RBMS3: variants seen among roughly 807,000 people sequenced by gnomAD.
RBMS3 encodes the protein RNA binding motif single stranded interacting protein 3, also known as RNA-binding motif, single-stranded-interacting protein 3.
A neutral mutation model predicts 66.8 loss-of-function variants in RBMS3; 27 were observed. The ratio of observed to expected loss-of-function variants is 0.40; its 90% confidence interval spans 0.30 to 0.56. The LOEUF (loss-of-function observed/expected upper bound fraction) is 0.56. RBMS3 is among the 20% of genes least tolerant of loss of function. The pLI is 0.40. For missense variants in RBMS3, 513 were observed against 549.5 expected (o/e 0.93, Z 0.66); for synonymous variants, 188 against 183.0 (o/e 1.03, Z -0.22).
At chr3:29,484,271 A>G (rs1355225456) in intron 2 of RBMS3, among the ~76,000 whole-genome samples, 1 of 152,238 alleles carries the variant, frequency 6.6e-6, no homozygotes, top group Non-Finnish European at 1.5e-5. Context: ...ATAACAAAGT[A>G]CCACAGACTG....
intron 4 of RBMS3, among the ~76,000 whole-genome samples, chr3:29,652,320 A>C (rs1212188350): frequency 1.3e-5 from 2 of 152,114 alleles, no homozygotes; most frequent in African/African-American, 4.8e-5. Context: ...GGGAGGTGGG[A>C]GCTGAAGTAA....
chr3:29,884,598 C>T (rs561103618), intron 8 of RBMS3, among the ~76,000 whole-genome samples: 66 of 150,092 alleles, frequency 4.4e-4, no homozygotes, highest in African/African-American at 1.6e-3. Context: ...TCAATTTATT[C>T]TTTCTTTCTG....
At chr3:29,575,539 C>T (rs968649355) in intron 3 of RBMS3, among the ~76,000 whole-genome samples, 1 of 151,990 alleles carries the variant, frequency 6.6e-6, no homozygotes, top group African/African-American at 2.4e-5. Flanking sequence ...TGTTGGTACC[C>T]TTCTCTAGGT....
At chr3:29,933,165 G>A (rs1262087651) in intron 10 of RBMS3, among the ~76,000 whole-genome samples, 2 of 152,136 alleles carry the variant, frequency 1.3e-5, no homozygotes, top group African/African-American at 4.8e-5. Context: ...TGCTTAATGT[G>A]TTGGCAACAT....
At chr3:29,675,536 A>T (rs2051207082) in intron 4 of RBMS3, among the ~76,000 whole-genome samples, 1 of 152,222 alleles carries the variant, frequency 6.6e-6, no homozygotes, top group South Asian at 2.1e-4. Context: ...TCTCTGACAA[A>T]GGGCTAATAT....
chr3:29,643,285 G>A lies in RBMS3; in HGVS notation c.399+56080G>A, dbSNP rs561687313. On this transcript the variant is annotated intron_variant, in intron 4 of 14. Coordinates refer to ENST00000383767, the MANE Select transcript of RBMS3 (RefSeq NM_001003793.3). ...GGGAGTAATTCTAGGCCTTTCTCAG[G>A]CAGCTAATCACATTTCCTGTGCATT... 2.0e-5 allele frequency among the ~76,000 whole-genome samples: 3 copies of A among 152,066 alleles called. No homozygotes were observed. In the South Asian group the frequency reaches 6.2e-4, roughly 32 times the overall value.
intron 1 of RBMS3, among the ~76,000 whole-genome samples, chr3:29,367,856 T>C (rs2125594945): frequency 6.6e-6 from 1 of 152,246 alleles, no homozygotes; most frequent in Non-Finnish European, 1.5e-5. Context: ...GGAAGGACAA[T>C]AGTACATTTT....
chr3:29,333,666 C>T (rs149731528), intron 1 of RBMS3, among the ~76,000 whole-genome samples: 85 of 152,204 alleles, frequency 5.6e-4, no homozygotes, highest in African/African-American at 2.0e-3. Flanking sequence ...CAATAAAGAG[C>T]GATCCATGTG....
At chr3:29,771,890 G>C (rs2056220728) in intron 6 of RBMS3, among the ~76,000 whole-genome samples, 1 of 151,972 alleles carries the variant, frequency 6.6e-6, no homozygotes, top group Non-Finnish European at 1.5e-5. Context: ...ATAGCAGGGA[G>C]GAAATCTGCC....
At chr3:29,369,366 G>A (rs1199868502) in intron 1 of RBMS3, among the ~76,000 whole-genome samples, 1 of 151,736 alleles carries the variant, frequency 6.6e-6, no homozygotes, top group Non-Finnish European at 1.5e-5. Context: ...AAGCAATTGT[G>A]TTTTTTGCCA....
At chr3:29,395,318 T>C (rs1254510684) in intron 1 of RBMS3, among the ~76,000 whole-genome samples, 1 of 152,162 alleles carries the variant, frequency 6.6e-6, no homozygotes, top group African/African-American at 2.4e-5. Flanking sequence ...GCATCTGAAA[T>C]TTGTGTGTGA....
chr3:29,319,874 A>G (rs2034906691), intron 1 of RBMS3, among the ~76,000 whole-genome samples: 2 of 152,016 alleles, frequency 1.3e-5, no homozygotes, highest in African/African-American at 4.8e-5. Flanking sequence ...GGACATAGGA[A>G]GCACCCTTTC....
chr3:29,665,101 C>T (rs2149236656), intron 4 of RBMS3, among the ~76,000 whole-genome samples: 1 of 152,206 alleles, frequency 6.6e-6, no homozygotes, highest in African/African-American at 2.4e-5. Flanking sequence ...AATGAAAATG[C>T]TAGTAACCAG....
chr3:29,912,040 G>T (rs1406807211), intron 10 of RBMS3, among the ~76,000 whole-genome samples: 2 of 151,964 alleles, frequency 1.3e-5, no homozygotes, highest in African/African-American at 4.8e-5. Context: ...GATGATGAAT[G>T]AATGGATGGA....
intron 10 of RBMS3, among the ~76,000 whole-genome samples, chr3:29,932,979 T>C (rs1348621858): frequency 6.6e-5 from 10 of 152,180 alleles, no homozygotes; most frequent in Admixed American, 6.6e-4. Context: ...GTTTGGTCAT[T>C]GTATTTTTTA....
At chr3:29,589,763 T>A (rs2047661730) in intron 4 of RBMS3, among the ~76,000 whole-genome samples, 1 of 152,076 alleles carries the variant, frequency 6.6e-6, no homozygotes, top group Non-Finnish European at 1.5e-5. Context: ...CATTTAAGTA[T>A]CTACTGAATC....
chr3:29,584,744 T>A (rs982261395), intron 3 of RBMS3, among the ~76,000 whole-genome samples: 59 of 152,136 alleles, frequency 3.9e-4, no homozygotes, highest in African/African-American at 1.4e-3. Flanking sequence ...TACAAAGCCC[T>A]GTTAATTCTG....
chr3:29,950,837 T>C (rs1460518083), intron 12 of RBMS3, among the ~76,000 whole-genome samples: 1 of 151,900 alleles, frequency 6.6e-6, no homozygotes, highest in African/African-American at 2.4e-5. Context: ...TTACCCAATG[T>C]CTTTTATATA....
At chr3:29,480,554 G>A (rs1329006594) in intron 2 of RBMS3, among the ~76,000 whole-genome samples, 2 of 152,186 alleles carry the variant, frequency 1.3e-5, no homozygotes, top group African/African-American at 2.4e-5. Flanking sequence ...GTCAAATGGT[G>A]CCAAGAAGTC....
Sources: gnomAD v4.1 joint callset for allele counts (sites outside exome capture counted in the v4.1 genomes callset) on GRCh38, gnomAD v4.1.1 for gene constraint, MANE v1.5 for transcripts, NCBI Gene and HGNC (gene_info 2026-07-23, HGNC 2026-07-21) for gene names.